Variants in CAP2 observed in about 807,000 individuals in gnomAD.
CAP2 encodes the protein cyclase associated actin cytoskeleton regulatory protein 2, also known as adenylyl cyclase-associated protein 2.
CAP2 carries 24 observed loss-of-function variants against 57.7 expected under a neutral mutation model. That is an observed-to-expected ratio of 0.42 (90% CI 0.30 to 0.58). CAP2 has a LOEUF of 0.58. CAP2 is among the 20% of genes least tolerant of loss of function. The pLI, the probability that CAP2 is intolerant of heterozygous loss-of-function variation, is 0.22. For missense variants in CAP2, 501 were observed against 590.3 expected (o/e 0.85, Z 1.57); for synonymous variants, 194 against 207.2 (o/e 0.94, Z 0.55).
chr6:17,491,810 T>C (rs1264400191), intron 4 of CAP2, among the ~76,000 whole-genome samples: 1 of 152,218 alleles, frequency 6.6e-6, no homozygotes, highest in Non-Finnish European at 1.5e-5. Flanking sequence ...TTTTATGATG[T>C]TTACATAATA....
chr6:17,549,439 G>A (rs1763122089), intron 11 of CAP2, among the ~76,000 whole-genome samples: 1 of 151,898 alleles, frequency 6.6e-6, no homozygotes, highest in Non-Finnish European at 1.5e-5. Context: ...ACTCCAGCCT[G>A]GGCAACAAGA....
At chr6:17,532,380 A>G in intron 7 of CAP2, among the ~76,000 whole-genome samples, 1 of 149,552 alleles carries the variant, frequency 6.7e-6, no homozygotes, top group East Asian at 2.1e-4. Flanking sequence ...ACCTCAGGTG[A>G]TCCGCCAGCC....
chr6:17,514,009 A>C, intron 7 of CAP2, 55 bp downstream of exon 7: 2 of 1,025,962 alleles, frequency 1.9e-6, no homozygotes, highest in Non-Finnish European at 3.1e-6. Flanking sequence ...CTATATATAC[A>C]CCCTGTGGCC....
intron 3 of CAP2, among the ~76,000 whole-genome samples, chr6:17,457,728 A>G (rs1166319924): frequency 2.0e-5 from 3 of 152,248 alleles, no homozygotes; most frequent in African/African-American, 7.2e-5. Context: ...GGAAGAGACT[A>G]ATTAATGAAA....
intron 1 of CAP2, among the ~76,000 whole-genome samples, chr6:17,397,694 CA>C (rs554131865): frequency 0.012 from 874 of 70,558 alleles, 6 homozygotes; most frequent in African/African-American, 0.037. Flanking sequence ...GACTCCATAT[CA>C]AAAAAAAAAA....
At chr6:17,418,885 T>C (rs75923350) in intron 1 of CAP2, among the ~76,000 whole-genome samples, 15 of 152,300 alleles carry the variant, frequency 9.8e-5, no homozygotes, top group South Asian at 2.1e-4. Flanking sequence ...CCTTTTTTTT[T>C]CCTTCAATTG....
At chr6:17,417,378 A>G (rs561935419) in intron 1 of CAP2, among the ~76,000 whole-genome samples, 2 of 150,492 alleles carry the variant, frequency 1.3e-5, no homozygotes, top group Non-Finnish European at 3.0e-5. Context: ...CAGGCTCAAG[A>G]GATCCTCCTG....
Position 17,526,280 on chromosome 6 carries a change from A to G in CAP2, c.636+12326A>G, listed in dbSNP as rs574640847. Among the ~76,000 whole-genome samples the G allele has an allele frequency of 6.3e-3, 959 of 151,866 alleles. 13 individuals are homozygous for G. Among genetic ancestry groups the G allele is most frequent in the African/African-American group, 0.022 (899 of 41,426 alleles). ...TTACAGGCACGCACCACCATACCTG[A>G]CTAATTTTTGTATTTTTAGTAGAGA... On this transcript the variant is annotated intron_variant, in intron 7 of 12. Transcript: ENST00000229922.
intron 4 of CAP2, among the ~76,000 whole-genome samples, chr6:17,483,830 C>A (rs1464593084): frequency 6.6e-6 from 1 of 152,048 alleles, no homozygotes; most frequent in Non-Finnish European, 1.5e-5. Context: ...CAGGAGCCAC[C>A]AGCCCACTGC....
chr6:17,515,066 T>G (rs1310287729), intron 7 of CAP2, among the ~76,000 whole-genome samples: 1 of 151,478 alleles, frequency 6.6e-6, no homozygotes, highest in Non-Finnish European at 1.5e-5. Flanking sequence ...AGCGTGGTGG[T>G]GCACGCCATA....
chr6:17,477,838 G>A (rs1410535724), intron 4 of CAP2, among the ~76,000 whole-genome samples: 3 of 151,926 alleles, frequency 2.0e-5, no homozygotes, highest in African/African-American at 4.8e-5. Flanking sequence ...TGTCATTTAG[G>A]TTGTTTCATG....
intron 4 of CAP2, among the ~76,000 whole-genome samples, chr6:17,465,589 A>C (rs1247222114): frequency 1.3e-5 from 2 of 152,096 alleles, no homozygotes; most frequent in Non-Finnish European, 1.5e-5. Flanking sequence ...AGCAGACCTG[A>C]GTGATCACCA....
intron 3 of CAP2, among the ~76,000 whole-genome samples, chr6:17,435,033 A>G (rs1759835191): frequency 7.4e-6 from 1 of 135,382 alleles, no homozygotes; most frequent in Admixed American, 7.8e-5. Context: ...AGGAAACAAC[A>G]GGTGCTGGAG....
intron 12 of CAP2, among the ~76,000 whole-genome samples, chr6:17,554,599 G>A (rs890352090): frequency 2.6e-5 from 4 of 152,242 alleles, no homozygotes; most frequent in Non-Finnish European, 5.9e-5. Context: ...TCATCCCAAA[G>A]AAACAGTTGG....
intron 4 of CAP2, among the ~76,000 whole-genome samples, chr6:17,488,004 G>A (rs562201796): frequency 6.6e-6 from 1 of 151,826 alleles, no homozygotes; most frequent in African/African-American, 2.4e-5. Context: ...TGCCCAGGCT[G>A]ATCTCTAACT....
At chr6:17,396,900 T>C (rs927233408) in intron 1 of CAP2, among the ~76,000 whole-genome samples, 1 of 152,196 alleles carries the variant, frequency 6.6e-6, no homozygotes, top group African/African-American at 2.4e-5. Context: ...AGTTGCATCT[T>C]TGTGTTTTTC....
chr6:17,481,675 T>C (rs1761290418), intron 4 of CAP2, among the ~76,000 whole-genome samples: 1 of 152,230 alleles, frequency 6.6e-6, no homozygotes, highest in African/African-American at 2.4e-5. Flanking sequence ...AATGGATACA[T>C]TTCTATGTGA....
chr6:17,478,421 C>G (rs528097514), intron 4 of CAP2, among the ~76,000 whole-genome samples: 42 of 151,380 alleles, frequency 2.8e-4, no homozygotes, highest in Admixed American at 9.9e-4. Context: ...GCTGAGATTA[C>G]AGGCGTGAGT....
intron 3 of CAP2, among the ~76,000 whole-genome samples, chr6:17,444,803 TCCACACAC>T (rs1479053954): frequency 5.2e-5 from 4 of 76,524 alleles, no homozygotes; most frequent in African/African-American, 1.8e-4. Flanking sequence ...TTTCTCTCTC[TCCACACAC>T]ACACACACAC....
Sources: allele counts gnomAD v4.1 joint callset (sites outside exome capture counted in the v4.1 genomes callset), GRCh38; gene constraint gnomAD v4.1.1; transcripts MANE v1.5; gene names NCBI Gene and HGNC (gene_info 2026-07-23, HGNC 2026-07-21).